The following KIAA1549L variants were observed in gnomAD, a reference collection of about 807,000 sequenced individuals.
The protein encoded by KIAA1549L is UPF0606 protein KIAA1549L.
In KIAA1549L, 88 loss-of-function variants were observed where a neutral mutation model predicts 160.7. That is an observed-to-expected ratio of 0.55 (90% CI 0.46 to 0.65). KIAA1549L has a LOEUF of 0.65. Ranked by LOEUF, KIAA1549L falls within the 30% of genes least tolerant of loss-of-function variation. The pLI is 0.00. For synonymous variants in KIAA1549L, 950 were observed against 976.7 expected (o/e 0.97, Z 0.51); for missense variants, 2,258 against 2,437.5 (o/e 0.93, Z 1.55).
chr11:33,600,879 C>T (rs1403135424), intron 13 of KIAA1549L, among the ~76,000 whole-genome samples: 1 of 152,070 alleles, frequency 6.6e-6, no homozygotes, highest in Non-Finnish European at 1.5e-5. Context: ...TGTCTTTTCC[C>T]CTTCCCTGCA....
intron 10 of KIAA1549L, 98 bp downstream of exon 10, chr11:33,574,971 T>C (rs1855398307): frequency 9.8e-7 from 1 of 1,025,408 alleles, no homozygotes. Flanking sequence ...GTCTCAGAGC[T>C]AAACATATTT....
chr11:33,609,792 G>A lies in KIAA1549L; in HGVS notation c.5105G>A (p.Arg1702Gln), dbSNP rs756947000. 35 of 1,612,782 alleles carry A rather than the reference G, an allele frequency of 2.2e-5. No individual in the cohort carries two copies. Among genetic ancestry groups the A allele is most frequent in the African/African-American group, 1.2e-4 (9 of 74,898 alleles). Residue 1702 changes from arginine to glutamine, a missense_variant, in exon 15 of 21, where the codon CGG (arginine) becomes CAG (glutamine). Arg to Gln is a conservative substitution (Grantham distance 43, BLOSUM62 1). Coordinates refer to ENST00000658780, the MANE Select transcript of KIAA1549L (RefSeq NM_012194.3). ...CAGAAGTCAGACATCGAGCACTATC[G>A]GAACAAGCTGCGCCTCAAAGCCAAG... ...LKQKSDIEHY[R>Q]NKLRLKAKRK...
intron 4 of KIAA1549L, 34 bp downstream of exon 4, chr11:33,547,913 T>C: frequency 7.3e-7 from 1 of 1,369,784 alleles, no homozygotes; most frequent in Non-Finnish European, 1.0e-6. Flanking sequence ...AGCTAATCCA[T>C]CACAGTCTGG....
At chr11:33,430,035 CT>C (rs1305507816) in intron 1 of KIAA1549L, among the ~76,000 whole-genome samples, 5 of 146,284 alleles carry the variant, frequency 3.4e-5, no homozygotes, top group African/African-American at 5.1e-5. Flanking sequence ...TCCTTCCTTC[CT>C]TCCTTCCTTC....
At chr11:33,467,715 G>GA (rs752897333) in intron 1 of KIAA1549L, among the ~76,000 whole-genome samples, 8 of 152,318 alleles carry the variant, frequency 5.3e-5, no homozygotes, top group South Asian at 2.1e-4. Context: ...CAGCATTAGG[G>GA]AAAATCTGTG....
chr11:33,433,932 C>A (rs1347207009), intron 1 of KIAA1549L, among the ~76,000 whole-genome samples: 1 of 152,028 alleles, frequency 6.6e-6, no homozygotes, highest in African/African-American at 2.4e-5. Flanking sequence ...ATACCATGGC[C>A]TGTTATGGGG....
intron 19 of KIAA1549L, among the ~76,000 whole-genome samples, chr11:33,659,906 G>A (rs556133505): frequency 6.6e-6 from 1 of 152,286 alleles, no homozygotes; most frequent in East Asian, 1.9e-4. Flanking sequence ...ATGGCAGGTG[G>A]AGGTCTGCTG....
At chr11:33,625,530 T>A (rs1044671178) in intron 16 of KIAA1549L, among the ~76,000 whole-genome samples, 15 of 152,322 alleles carry the variant, frequency 9.8e-5, no homozygotes, top group Non-Finnish European at 2.9e-5. Flanking sequence ...CATTTTTTCA[T>A]GTGTTTTTTG....
At chr11:33,601,433 C>A (rs1850357698) in intron 13 of KIAA1549L, among the ~76,000 whole-genome samples, 1 of 151,984 alleles carries the variant, frequency 6.6e-6, no homozygotes, top group African/African-American at 2.4e-5. Context: ...CCAATAAAAT[C>A]AATAGTGTAT....
At chr11:33,628,570 G>T (rs917489419) in intron 16 of KIAA1549L, among the ~76,000 whole-genome samples, 3 of 146,860 alleles carry the variant, frequency 2.0e-5, no homozygotes, top group Admixed American at 6.8e-5. Context: ...GATCTTTGTT[G>T]GTTTAAAGTC....
intron 12 of KIAA1549L, 51 bp downstream of exon 12, chr11:33,591,472 A>G: frequency 6.9e-7 from 1 of 1,441,338 alleles, no homozygotes; most frequent in Non-Finnish European, 9.5e-7. Flanking sequence ...AGAATAATTG[A>G]TGATGAGAAA....
intron 1 of KIAA1549L, among the ~76,000 whole-genome samples, chr11:33,396,221 C>A (rs943226412): frequency 6.6e-6 from 1 of 152,106 alleles, no homozygotes; most frequent in African/African-American, 2.4e-5. Flanking sequence ...GACCATCAGA[C>A]CATTGGAACC....
At chr11:33,649,670 C>A (rs1341520850) in intron 17 of KIAA1549L, among the ~76,000 whole-genome samples, 2 of 151,496 alleles carry the variant, frequency 1.3e-5, no homozygotes, top group Non-Finnish European at 2.9e-5. Flanking sequence ...CAAACAACTC[C>A]CCCCAAGCCT....
intron 16 of KIAA1549L, among the ~76,000 whole-genome samples, chr11:33,627,809 A>T (rs1851161653): frequency 6.6e-6 from 1 of 151,538 alleles, no homozygotes; most frequent in Non-Finnish European, 1.5e-5. Flanking sequence ...GATTTTAGTT[A>T]TGTCTTGCCT....
intron 1 of KIAA1549L, among the ~76,000 whole-genome samples, chr11:33,508,832 G>A (rs1853157523): frequency 6.6e-6 from 1 of 152,142 alleles, no homozygotes; most frequent in Non-Finnish European, 1.5e-5. Context: ...TTTTGCTGTA[G>A]GCCAGCCCAT....
intron 16 of KIAA1549L, among the ~76,000 whole-genome samples, chr11:33,623,273 G>A (rs781258369): frequency 7.2e-5 from 11 of 152,270 alleles, no homozygotes; most frequent in South Asian, 6.2e-4. Flanking sequence ...CAATTGGTTG[G>A]ATTTGGAGAT....
At chr11:33,602,985 G>T (rs754181824) in intron 13 of KIAA1549L, among the ~76,000 whole-genome samples, 3 of 152,040 alleles carry the variant, frequency 2.0e-5, no homozygotes, top group African/African-American at 7.2e-5. Context: ...ACCTTACCCC[G>T]TTCAGTTTGG....
At position 33,463,794 on chromosome 11, in the gene KIAA1549L, G is replaced by A. The variant is rs1285266947; in HGVS notation, c.239-78008G>A. On this transcript the variant is annotated intron_variant, in intron 1 of 20. Coordinates refer to ENST00000658780, the MANE Select transcript of KIAA1549L (RefSeq NM_012194.3). ...ACTCCTGCTATTTAGTGGCTCAGTA[G>A]CTGCTGGAATGAGGATGAGCCAATT... is the stretch of plus-strand genomic sequence containing the variant. 3.3e-5 allele frequency among the ~76,000 whole-genome samples: 5 copies of A among 152,194 alleles called. No homozygotes were observed. The South Asian group carries it at 8.3e-4, about 25-fold the overall frequency.
intron 1 of KIAA1549L, among the ~76,000 whole-genome samples, chr11:33,389,692 A>G (rs1850236769): frequency 6.6e-6 from 1 of 152,218 alleles, no homozygotes; most frequent in African/African-American, 2.4e-5. Flanking sequence ...AGTGTTTTCC[A>G]TTCTTGTGAC....
Sources: gnomAD v4.1 joint callset for allele counts (sites outside exome capture counted in the v4.1 genomes callset) on GRCh38, gnomAD v4.1.1 for gene constraint, MANE v1.5 for transcripts, NCBI Gene and HGNC (gene_info 2026-07-23, HGNC 2026-07-21) for gene names.